Variants in F13B observed in about 807,000 individuals in gnomAD.
The protein encoded by F13B is coagulation factor XIII B chain.
In F13B, 58 loss-of-function variants were observed where a neutral mutation model predicts 79.8. The observed-to-expected ratio is 0.73, with a 90% confidence interval of 0.59 to 0.90. The LOEUF (loss-of-function observed/expected upper bound fraction) is 0.90, where lower values mean the gene tolerates loss of function less well. Ranked by LOEUF, F13B falls within the 40% of genes least tolerant of loss-of-function variation. F13B has a pLI of 0.00. For synonymous variants in F13B, 283 were observed against 260.3 expected (o/e 1.09, Z -0.84); for missense variants, 773 against 777.0 (o/e 0.99, Z 0.06).
At chr1:197,040,400 A>G (rs1268456313) in intron 11 of F13B, 122 bp downstream of exon 11, 9 of 683,326 alleles carry the variant, frequency 1.3e-5, no homozygotes, top group Admixed American at 2.8e-5. Context: ...TGAAGAAAAT[A>G]TTATTATTTT....
chr1:197,062,229 A>G (rs916679695), intron 2 of F13B, among the ~76,000 whole-genome samples: 42 of 152,240 alleles, frequency 2.8e-4, no homozygotes, highest in Middle Eastern at 3.4e-3. Context: ...GCCATATTCA[A>G]CATCCTCTTT....
intron 7 of F13B, 124 bp downstream of exon 7, chr1:197,056,889 G>T: frequency 1.1e-6 from 1 of 876,402 alleles, no homozygotes; most frequent in Non-Finnish European, 1.8e-6. Context: ...AGTAGGTGCT[G>T]TAGCAATGTG....
At chr1:197,064,368 A>G (rs1055223534) in intron 1 of F13B, among the ~76,000 whole-genome samples, 1 of 152,228 alleles carries the variant, frequency 6.6e-6, no homozygotes, top group African/African-American at 2.4e-5. Flanking sequence ...ATAGTCCCAA[A>G]CTGGGAACAA....
chr1:197,047,686 G>T (rs1655283923), intron 10 of F13B, among the ~76,000 whole-genome samples: 1 of 152,140 alleles, frequency 6.6e-6, no homozygotes, highest in Non-Finnish European at 1.5e-5. Context: ...AAAGACAAAT[G>T]CACAGATATG....
Position 197,061,053 on chromosome 1 carries a change from T to C in F13B, c.474A>G (p.Leu158=), listed in dbSNP as rs1655841426. Residue 158 remains leucine, a synonymous_variant, in exon 4 of 12, where the codon TTA becomes TTG. Transcript: ENST00000367412. Reference sequence around the variant, plus strand: ...GTGTTGTGGAATAATTTCCATTATATAATTCAGGAGCCAAACATGTTTCTA... The same window carrying C: ...GTGTTGTGGAATAATTTCCATTATACAATTCAGGAGCCAAACATGTTTCTA... ...KEHETCLAPE[L]YNGNYSTTQK... The C allele has an allele frequency of 6.4e-7, 1 of 1,573,220 alleles. No individual in the cohort carries two copies. Among genetic ancestry groups the C allele is most frequent in the Admixed American group, 1.7e-5 (1 of 59,034 alleles).
At chr1:197,062,026 A>G in intron 2 of F13B, 57 bp from the exon 3 acceptor site, 1 of 1,441,596 alleles carries the variant, frequency 6.9e-7, no homozygotes, top group Non-Finnish European at 9.6e-7. Context: ...CTTTTACTAA[A>G]TTGTAAAATT....
At chr1:197,049,624 AACT>A (rs1655367780) in intron 10 of F13B, among the ~76,000 whole-genome samples, 4 of 152,084 alleles carry the variant, frequency 2.6e-5, no homozygotes, top group Non-Finnish European at 5.9e-5. Flanking sequence ...TTCTCTGGTT[AACT>A]CTTAAAATTA....
intron 7 of F13B, among the ~76,000 whole-genome samples, chr1:197,056,306 T>C (rs928958982): frequency 6.6e-6 from 1 of 152,172 alleles, no homozygotes; most frequent in Non-Finnish European, 1.5e-5. Context: ...AATATCAATT[T>C]TTTTCCTCTT....
At position 197,040,513 on chromosome 1, in the gene F13B, A is replaced by T; in HGVS notation, c.1952+9T>A. On this transcript the variant is annotated intron_variant, in intron 11 of 11. Transcript: ENST00000367412. ...AAAATAATCTGACCAAAAAAAAAAA[A>T]CTTCTTACCTTTGTCTTGGAATACA... 1 of 1,604,424 alleles carries T rather than the reference A, an allele frequency of 6.2e-7. No homozygotes were observed. The highest frequency in any genetic ancestry group is 1.1e-5 in the South Asian group (1 of 90,368).
rs1430779521 is a variant in F13B, at chr1:197,052,667, C to T, written c.1522G>A (p.Gly508Arg). 6.2e-7 allele frequency: 1 copy of T among 1,611,448 alleles called. No homozygotes were observed. Among genetic ancestry groups the T allele is most frequent in the East Asian group, 2.2e-5 (1 of 44,690 alleles). Residue 508 changes from glycine (G) to arginine (R), a missense_variant, in exon 9 of 12, where the codon GGA (glycine) becomes AGA (arginine). Transcript: ENST00000367412. ...LSELSVQCNR[G>R]EVKYPLCTRK... ...GTACATAAAGGATATTTCACTTCTC[C>T]TCTGTTGCACTGCACAGATAATTCA...
At chr1:197,044,231 C>T (rs1384743313) in intron 10 of F13B, among the ~76,000 whole-genome samples, 1 of 152,028 alleles carries the variant, frequency 6.6e-6, no homozygotes, top group Admixed American at 6.6e-5. Context: ...CCTCCCTTGC[C>T]TGGCTCAGCA....
At chr1:197,066,757 T>A (rs570375771) in intron 1 of F13B, among the ~76,000 whole-genome samples, 1 of 152,288 alleles carries the variant, frequency 6.6e-6, no homozygotes, top group East Asian at 1.9e-4. Context: ...ATTTCCCACA[T>A]TAAACTCTCA....
intron 10 of F13B, among the ~76,000 whole-genome samples, chr1:197,048,387 G>A (rs1010892765): frequency 2.0e-5 from 3 of 151,744 alleles, no homozygotes; most frequent in Non-Finnish European, 2.9e-5. Context: ...GCTTATAAGA[G>A]AGGCACACTA....
At chr1:197,058,236 T>C (rs1315725624) in intron 5 of F13B, among the ~76,000 whole-genome samples, 3 of 152,194 alleles carry the variant, frequency 2.0e-5, no homozygotes, top group Non-Finnish European at 4.4e-5. Flanking sequence ...CTAAAACTTA[T>C]GAAGTAAATA....
chr1:197,050,978 C>A, intron 9 of F13B, 99 bp from the exon 10 acceptor site: 1 of 1,034,424 alleles, frequency 9.7e-7, no homozygotes. Flanking sequence ...GTCACCCAGG[C>A]TGGAGTATGG....
intron 8 of F13B, 114 bp downstream of exon 8, chr1:197,055,601 G>A (rs1655611319): frequency 8.7e-7 from 1 of 1,148,292 alleles, no homozygotes; most frequent in Admixed American, 1.9e-5. Context: ...AAATGAGAGA[G>A]AAAACACTTG....
intron 10 of F13B, among the ~76,000 whole-genome samples, chr1:197,049,573 T>C (rs1571556768): frequency 6.6e-6 from 1 of 152,072 alleles, no homozygotes; most frequent in East Asian, 1.9e-4. Context: ...ATCGAAGCTG[T>C]CAATTTGTCT....
chr1:197,060,024 GA>G (rs759085914), intron 5 of F13B, among the ~76,000 whole-genome samples: 66 of 151,982 alleles, frequency 4.3e-4, no homozygotes, highest in Non-Finnish European at 8.2e-4. Flanking sequence ...CAAATTAAGA[GA>G]AAATATCCTT....
At chr1:197,066,421 T>C (rs946285237) in intron 1 of F13B, among the ~76,000 whole-genome samples, 3 of 152,148 alleles carry the variant, frequency 2.0e-5, no homozygotes, top group Non-Finnish European at 4.4e-5. Flanking sequence ...CCTGATAATA[T>C]TGATAATGTT....
Sources: gnomAD v4.1 joint callset for allele counts (sites outside exome capture counted in the v4.1 genomes callset) on GRCh38, gnomAD v4.1.1 for gene constraint, MANE v1.5 for transcripts, NCBI Gene and HGNC (gene_info 2026-07-23, HGNC 2026-07-21) for gene names.